The following COL24A1 variants were observed in gnomAD, a reference collection of about 807,000 sequenced individuals.
COL24A1 encodes the protein collagen alpha-1(XXIV) chain.
In COL24A1, 224 loss-of-function variants were observed where a neutral mutation model predicts 253.9. The observed-to-expected ratio is 0.88, with a 90% CI of 0.79 to 0.99. The LOEUF is 0.99. COL24A1 is among the 50% of genes least tolerant of loss of function. The pLI is 0.00. For missense variants in COL24A1, 2,131 were observed against 2,068.5 expected (o/e 1.03, Z -0.59); for synonymous variants, 685 against 673.7 (o/e 1.02, Z -0.26).
chr1:85,925,009 G>A (rs1209379663), intron 24 of COL24A1, among the ~76,000 whole-genome samples: 1 of 152,152 alleles, frequency 6.6e-6, no homozygotes, highest in African/African-American at 2.4e-5. Context: ...AATATCACAA[G>A]CATTCCTATA....
chr1:85,731,936 C>T (rs998374352), intron 59 of COL24A1, among the ~76,000 whole-genome samples: 3 of 152,126 alleles, frequency 2.0e-5, no homozygotes, highest in African/African-American at 4.8e-5. Context: ...TTAAGCTGAA[C>T]ACCCATACAT....
intron 32 of COL24A1, among the ~76,000 whole-genome samples, chr1:85,879,246 GGTGT>G (rs5775875): frequency 0.04 from 5,823 of 147,160 alleles, 318 homozygotes; most frequent in African/African-American, 0.13. Context: ...TCATTTTGAG[GGTGT>G]GTGTGTGTGT....
chr1:85,955,335 C>A (rs1156974055), intron 24 of COL24A1, among the ~76,000 whole-genome samples: 1 of 152,218 alleles, frequency 6.6e-6, no homozygotes, highest in African/African-American at 2.4e-5. Flanking sequence ...TTGCACCCAT[C>A]CTCCAAGCCC....
Position 86,017,174 on chromosome 1 carries a change from G to A in COL24A1, c.2287C>T (p.Pro763Ser). ...GQTGDPGLQG[P>S]SGPPGPEGFP... Reference sequence around the variant, plus strand: ...ACCTCTGGTCCTGGAGGGCCAGATGGTCCTTGGAGTCCTGGGTCACCTGTT... The same window carrying A: ...ACCTCTGGTCCTGGAGGGCCAGATGATCCTTGGAGTCCTGGGTCACCTGTT... The change falls in exon 19 of 60, where the codon CCA becomes TCA. Residue 763 changes from proline (P) to serine (S), a missense_variant. Transcript: ENST00000370571. The A allele has an allele frequency of 6.3e-7, 1 of 1,585,948 alleles. No homozygotes were observed. Among genetic ancestry groups the A allele is most frequent in the Non-Finnish European group, 8.5e-7 (1 of 1,170,626 alleles).
chr1:85,829,848 C>T (rs1674940832), intron 43 of COL24A1, among the ~76,000 whole-genome samples: 1 of 152,028 alleles, frequency 6.6e-6, no homozygotes, highest in African/African-American at 2.4e-5. Context: ...AAGTTTTCAA[C>T]TTCTTTGCCT....
chr1:86,113,594 G>A (rs982139409), intron 4 of COL24A1, among the ~76,000 whole-genome samples: 2 of 151,952 alleles, frequency 1.3e-5, no homozygotes, highest in African/African-American at 4.8e-5. Context: ...AGCACTTTGG[G>A]AGGCCAAGGC....
At chr1:86,156,154 A>G in intron 1 of COL24A1, 187 bp downstream of exon 1, 1 of 559,750 alleles carries the variant, frequency 1.8e-6, no homozygotes, top group Middle Eastern at 4.9e-4. Context: ...GGCACGAGGC[A>G]TCCTTTCAAA....
chr1:86,061,083 T>C (rs1022594650), intron 8 of COL24A1, among the ~76,000 whole-genome samples: 18 of 152,034 alleles, frequency 1.2e-4, no homozygotes, highest in African/African-American at 4.1e-4. Flanking sequence ...AATGGGAGGA[T>C]ACTTAGCTAA....
At chr1:85,833,409 C>T (rs1675588351) in intron 43 of COL24A1, among the ~76,000 whole-genome samples, 1 of 152,156 alleles carries the variant, frequency 6.6e-6, no homozygotes, top group African/African-American at 2.4e-5. Flanking sequence ...ATCAAAACCA[C>T]AATGAGATAC....
At chr1:86,060,036 G>A (rs1373576385) in intron 8 of COL24A1, among the ~76,000 whole-genome samples, 1 of 152,108 alleles carries the variant, frequency 6.6e-6, no homozygotes, top group African/African-American at 2.4e-5. Flanking sequence ...AACTGACTTA[G>A]ACAGATGGTA....
At chr1:85,914,463 TCA>T (rs1306863342) in intron 24 of COL24A1, among the ~76,000 whole-genome samples, 1 of 151,558 alleles carries the variant, frequency 6.6e-6, no homozygotes, top group Non-Finnish European at 1.5e-5. Flanking sequence ...CGATCCTGGC[TCA>T]CAGCAACCTC....
intron 52 of COL24A1, among the ~76,000 whole-genome samples, chr1:85,776,931 A>C (rs1370985014): frequency 1.3e-5 from 2 of 151,870 alleles, no homozygotes; most frequent in Admixed American, 6.6e-5. Flanking sequence ...TTAACTTAAA[A>C]AAAACTTATT....
At chr1:86,015,985 C>T (rs993629656) in intron 19 of COL24A1, among the ~76,000 whole-genome samples, 8 of 151,296 alleles carry the variant, frequency 5.3e-5, no homozygotes, top group African/African-American at 7.3e-5. Context: ...CTCAGCCTCC[C>T]GAGTAGCTGG....
intron 24 of COL24A1, among the ~76,000 whole-genome samples, chr1:85,924,328 G>A (rs1686923330): frequency 6.6e-6 from 1 of 152,156 alleles, no homozygotes; most frequent in African/African-American, 2.4e-5. Flanking sequence ...TATGAGGCCA[G>A]CATCATCCTG....
At chr1:86,108,460 A>G (rs1705204407) in intron 5 of COL24A1, among the ~76,000 whole-genome samples, 1 of 151,734 alleles carries the variant, frequency 6.6e-6, no homozygotes, top group South Asian at 2.1e-4. Flanking sequence ...ATTTGCTTCT[A>G]TTCTGAAACA....
At position 85,823,572 on chromosome 1, in the gene COL24A1, C is replaced by T. The variant is rs1570761373; in HGVS notation, c.3753G>A (p.Gln1251=). Residue 1251 remains glutamine, a synonymous_variant, in exon 45 of 60, where the codon CAG becomes CAA. Transcript: ENST00000370571. Reference sequence around the variant, plus strand: ...TCTCTCCTTTTAGTCCTTGTTCACCCTGGTCACCTGGTTCGCCCTTTAGTA... The same window carrying T: ...TCTCTCCTTTTAGTCCTTGTTCACCTTGGTCACCTGGTTCGCCCTTTAGTA... ...QQGPPGEPGD[Q]GEQGLKGERG... is the part of the protein sequence containing the mutation. 6.8e-6 allele frequency: 11 copies of T among 1,614,004 alleles called. No homozygotes were observed. The highest frequency in any genetic ancestry group is 9.3e-6 in the Non-Finnish European group (11 of 1,179,954).
intron 14 of COL24A1, among the ~76,000 whole-genome samples, chr1:86,026,513 C>T (rs919691964): frequency 6.6e-5 from 10 of 152,162 alleles, no homozygotes; most frequent in African/African-American, 2.2e-4. Context: ...GCACTCACTC[C>T]GTCCTGCCAC....
chr1:86,045,853 T>G (rs150650511), intron 12 of COL24A1: 2 of 442,748 alleles, frequency 4.5e-6, no homozygotes, highest in East Asian at 7.1e-5. Flanking sequence ...CCAGACGTCA[T>G]GAAGAAACAA....
chr1:86,000,113 C>T (rs894235931), intron 19 of COL24A1, among the ~76,000 whole-genome samples: 4 of 152,118 alleles, frequency 2.6e-5, no homozygotes, highest in African/African-American at 9.7e-5. Context: ...ATGCCCTCCT[C>T]TTTTCCTGCA....
Sources: allele counts gnomAD v4.1 joint callset (sites outside exome capture counted in the v4.1 genomes callset), GRCh38; gene constraint gnomAD v4.1.1; transcripts MANE v1.5; gene names NCBI Gene and HGNC (gene_info 2026-07-23, HGNC 2026-07-21).